Variants in TCN1 observed in about 807,000 individuals in gnomAD.
TCN1 encodes transcobalamin-1.
In TCN1, 47 loss-of-function variants were observed where a neutral mutation model predicts 46.3. The observed-to-expected ratio is 1.01, with a 90% confidence interval of 0.80 to 1.29. The LOEUF (loss-of-function observed/expected upper bound fraction) is 1.29. Ranked by LOEUF, TCN1 falls within the 50% of genes most tolerant of loss-of-function variation. TCN1 has a pLI of 0.00. For missense variants in TCN1, 532 were observed against 511.0 expected (o/e 1.04, Z -0.40); for synonymous variants, 183 against 192.5 (o/e 0.95, Z 0.41).
At chr11:59,855,621 A>T (rs560351240) in intron 6 of TCN1, among the ~76,000 whole-genome samples, 2 of 152,192 alleles carry the variant, frequency 1.3e-5, no homozygotes. Context: ...ACCTTTGGAG[A>T]TAGACATTAT....
At chr11:59,853,647 T>C (rs773109892) in intron 7 of TCN1, among the ~76,000 whole-genome samples, 46 of 152,274 alleles carry the variant, frequency 3.0e-4, no homozygotes, top group Admixed American at 5.2e-4. Context: ...CACCCCAAGA[T>C]AGTAACTGCT....
Position 59,854,707 on chromosome 11 carries a change from AACCATTTAGC to A in TCN1, c.1056_1065del (p.Asn354SerfsTer5). 6.2e-7 allele frequency: 1 copy of A among 1,614,002 alleles called. No homozygotes were observed. Among genetic ancestry groups the A allele is most frequent in the East Asian group, 2.2e-5 (1 of 44,858 alleles). On this transcript the variant is annotated frameshift_variant, in exon 7 of 9. Transcript: ENST00000257264. LOFTEE classifies it high-confidence loss of function. ...TTCTCCATCACACTGAGGAAGACAG[AACCATTTAGC>A]ACAGTGACATTGGTGAAATATGTTT...
In TCN1 at chr11:59,861,553, T is replaced by C; in HGVS notation, c.530A>G (p.Tyr177Cys). The stretch of plus-strand genomic sequence containing the variant: ...TACTGAGAACTGGCTACCAAAATAA[T>C]AGTTTTTATTTTCAGGAGTGAAGTG... ...VNHFTPENKN[Y>C]YFGSQFSVDT... The change falls in exon 4 of 9, where the codon TAT becomes TGT. Residue 177 changes from tyrosine (Y) to cysteine (C), a missense_variant. Tyr to Cys is a radical substitution (Grantham distance 194). Transcript: ENST00000257264. 1 of 1,613,958 alleles carries C rather than the reference T, an allele frequency of 6.2e-7. No homozygotes were observed. The highest frequency in any genetic ancestry group is 8.5e-7 in the Non-Finnish European group (1 of 1,179,940).
Position 59,862,314 on chromosome 11 carries a change from T to C in TCN1, c.400+268A>G, listed in dbSNP as rs117598995. Among the ~76,000 whole-genome samples the C allele has an allele frequency of 3.0e-3, 456 of 152,182 alleles. 1 individual carries two copies. Among genetic ancestry groups the C allele is most frequent in the Non-Finnish European group, 4.7e-3 (318 of 67,998 alleles). ...CGATTAGAGAATGGTGACTTGTGTG[T>C]GTGCATGTGTGTGTGTGTGTGTATG... On this transcript the variant is annotated intron_variant, in intron 3 of 8. Transcript: ENST00000257264.
intron 7 of TCN1, among the ~76,000 whole-genome samples, chr11:59,854,265 T>C (rs562511441): frequency 4.6e-5 from 7 of 151,508 alleles, no homozygotes; most frequent in African/African-American, 1.7e-4. Flanking sequence ...TTTGTGTGTA[T>C]GTTCATTTTT....
intron 6 of TCN1, among the ~76,000 whole-genome samples, chr11:59,855,654 T>C (rs1852922507): frequency 6.6e-6 from 1 of 152,192 alleles, no homozygotes; most frequent in Non-Finnish European, 1.5e-5. Flanking sequence ...GCCTTGTTAA[T>C]GTTTGAACTA....
Position 59,854,698 on chromosome 11 carries a change from G to A in TCN1, c.1075C>T (p.Leu359Phe), listed in dbSNP as rs1372594776. Reference protein sequence around the residue: ...NVTVLNGSVFLSVMEKAQKMN... With the variant: ...NVTVLNGSVFFSVMEKAQKMN... ...TTCTGGGCTTTCTCCATCACACTGA[G>A]GAAGACAGAACCATTTAGCACAGTG... The change falls in exon 7 of 9, where the codon CTC becomes TTC. Residue 359 changes from leucine (L) to phenylalanine (F), a missense_variant. By Grantham distance (22) the Leu-to-Phe change is conservative. Coordinates refer to ENST00000257264, the MANE Select transcript of TCN1 (RefSeq NM_001062.4). The A allele has an allele frequency of 6.2e-7, 1 of 1,613,810 alleles. No homozygotes were observed. The highest frequency in any genetic ancestry group is 8.5e-7 in the Non-Finnish European group (1 of 1,179,904).
intron 6 of TCN1, among the ~76,000 whole-genome samples, chr11:59,855,420 C>T (rs1451921450): frequency 6.6e-6 from 1 of 152,098 alleles, no homozygotes; most frequent in Non-Finnish European, 1.5e-5. Context: ...TACCTGGTTG[C>T]AAGGTCATTT....
At position 59,864,032 on chromosome 11, in the gene TCN1, T is replaced by C. The variant is rs1853045825; in HGVS notation, c.134A>G (p.Gln45Arg). The change falls in exon 2 of 9, where the codon CAG becomes CGG. Residue 45 changes from glutamine (Q) to arginine (R), a missense_variant. By Grantham distance (43) the Gln-to-Arg change is conservative. Transcript: ENST00000257264. ...RLKPLLNTMI[Q>R]SNYNRGTSAV... Reference sequence around the variant, plus strand: ...GCTGGTTCCCCTGTTATAGTTTGACTGGATCATTGTATTCAACAGAGGTTT... The same window carrying C: ...GCTGGTTCCCCTGTTATAGTTTGACCGGATCATTGTATTCAACAGAGGTTT... 1 of 1,614,022 alleles carries C rather than the reference T, an allele frequency of 6.2e-7. No homozygotes were observed. The highest frequency in any genetic ancestry group is 8.5e-7 in the Non-Finnish European group (1 of 1,179,850).
chr11:59,853,527 T>C (rs903064552), intron 7 of TCN1, among the ~76,000 whole-genome samples: 22 of 152,158 alleles, frequency 1.4e-4, no homozygotes, highest in African/African-American at 5.3e-4. Context: ...TCCAGCTGAT[T>C]CTAATGCAGG....
chr11:59,853,633 C>T (rs1018738371), intron 7 of TCN1, among the ~76,000 whole-genome samples: 1 of 152,178 alleles, frequency 6.6e-6, no homozygotes. Context: ...CAGCTTCAAC[C>T]TTCCACCCCA....
intron 4 of TCN1, among the ~76,000 whole-genome samples, chr11:59,860,582 C>T (rs482092): frequency 8.4e-4 from 128 of 152,214 alleles, no homozygotes; most frequent in African/African-American, 8.7e-4. Context: ...AATCTTTTAG[C>T]CATGTTGGCT....
chr11:59,860,644 G>C (rs577859741), intron 4 of TCN1, among the ~76,000 whole-genome samples: 2 of 152,214 alleles, frequency 1.3e-5, no homozygotes, highest in Non-Finnish European at 2.9e-5. Flanking sequence ...TCTTTGTAAG[G>C]CTCTCAAGGG....
chr11:59,860,981 A>G (rs967151501), intron 4 of TCN1, among the ~76,000 whole-genome samples: 4 of 152,180 alleles, frequency 2.6e-5, no homozygotes, highest in Non-Finnish European at 4.4e-5. Context: ...CTGTCTAAAG[A>G]CTTCTTTATG....
At chr11:59,853,160 G>T (rs766919423) in intron 8 of TCN1, 43 bp downstream of exon 8, 5 of 1,609,164 alleles carry the variant, frequency 3.1e-6, no homozygotes, top group Non-Finnish European at 1.7e-6. Context: ...CTCTCCATTT[G>T]GGCATTTTTA....
rs144166853 is a variant in TCN1 at position 59,862,625 on chromosome 11, G to A, written c.357C>T (p.Ile119=). The change falls in exon 3 of 9, where the codon ATC becomes ATT. Residue 119 remains isoleucine (I), a synonymous_variant. Transcript: ENST00000257264. ...EENLIYDYHL[I]DKLENKFQAE... ...CTTGGAATTTATTTTCTAGCTTGTC[G>A]ATCAGGTGGTAATCATATATTAAGT... 2.0e-4 allele frequency: 321 copies of A among 1,613,396 alleles called. 2 individuals carry two copies. The highest frequency in any genetic ancestry group is 3.3e-4 in the Middle Eastern group (2 of 6,082).
rs112170721 is a variant in TCN1, at chr11:59,865,636, GA to G, written c.79+755del. Among the ~76,000 whole-genome samples the G allele has an allele frequency of 8.4e-3, 1,275 of 152,236 alleles. 13 individuals are homozygous for G. The highest frequency in any genetic ancestry group is 0.029 in the African/African-American group (1,205 of 41,548). ...CACAAAAGAGAATTCATGCACTTGA[GA>G]ACTGCACCAGACTTCATGAGATAAT... On this transcript the variant is annotated intron_variant, in intron 1 of 8. Transcript: ENST00000257264.
intron 5 of TCN1, 135 bp downstream of exon 5, chr11:59,858,942 G>C: frequency 1.0e-6 from 1 of 990,554 alleles, no homozygotes; most frequent in South Asian, 1.4e-5. Context: ...GGCGGAGGTC[G>C]CAGTGAGCTG....
intron 2 of TCN1, 49 bp downstream of exon 2, chr11:59,863,858 T>C: frequency 6.2e-7 from 1 of 1,606,450 alleles, no homozygotes; most frequent in Non-Finnish European, 8.5e-7. Context: ...AGATAATCTT[T>C]AAATAGGTAG....
Sources: gnomAD v4.1 joint callset for allele counts (sites outside exome capture counted in the v4.1 genomes callset) on GRCh38, gnomAD v4.1.1 for gene constraint, MANE v1.5 for transcripts, NCBI Gene and HGNC (gene_info 2026-07-23, HGNC 2026-07-21) for gene names.